The following PRRC2C variants were observed in gnomAD, a reference collection of about 807,000 sequenced individuals.
The protein encoded by PRRC2C is proline rich coiled-coil 2C.
PRRC2C carries 72 observed loss-of-function variants against 317.2 expected under a neutral mutation model. The observed-to-expected ratio is 0.23, with a 90% CI of 0.19 to 0.28. The LOEUF is 0.28. Among genes scored for constraint, PRRC2C ranks in the 10% least tolerant of loss-of-function variants. The pLI, the probability that PRRC2C is intolerant of heterozygous loss-of-function variation, is 1.00. For synonymous variants in PRRC2C, 1,296 were observed against 1,205.9 expected, an observed-to-expected ratio of 1.07 and a Z score of -1.55; for missense variants, 3,074 against 3,459.7, an observed-to-expected ratio of 0.89 and a Z score of 2.80.
At chr1:171,515,441 T>C (rs964051112) in intron 4 of PRRC2C, among the ~76,000 whole-genome samples, 2 of 152,166 alleles carry the variant, frequency 1.3e-5, no homozygotes, top group African/African-American at 2.4e-5. Context: ...GTATTGAAAA[T>C]GTAAGGAGTC....
chr1:171,542,079 G>T lies in PRRC2C; in HGVS notation c.4613G>T (p.Arg1538Met), dbSNP rs781265114. The T allele has an allele frequency of 1.2e-6, 2 of 1,613,928 alleles. No individual in the cohort carries two copies. The highest frequency in any genetic ancestry group is 2.2e-5 in the South Asian group (2 of 91,072). The change falls in exon 16 of 35, where the codon AGG becomes ATG. Residue 1538 changes from arginine to methionine, a missense_variant. By Grantham distance (91) the Arg-to-Met change is moderately conservative. Transcript: ENST00000647382. ...GGAGAGAATGTTCTACCTCCAAAGA[G>T]GGAAATTGCAAAGAGAAGTTTTTCT... ...KVGENVLPPK[R>M]EIAKRSFSSQ...
chr1:171,545,765 T>C, intron 17 of PRRC2C, 78 bp downstream of exon 17: 1 of 972,396 alleles, frequency 1.0e-6, no homozygotes, highest in African/African-American at 1.8e-5. Flanking sequence ...TTTTAAAATG[T>C]AGATGCCACA....
At chr1:171,549,950 G>A (rs1319941217) in intron 17 of PRRC2C, 136 bp from the exon 18 acceptor site, 6 of 564,712 alleles carry the variant, frequency 1.1e-5, no homozygotes, top group Non-Finnish European at 1.7e-5. Flanking sequence ...TGAGAAATAG[G>A]TTATACACTA....
Position 171,578,111 on chromosome 1 carries a change from C to A in PRRC2C, c.7159+474C>A, listed in dbSNP as rs140525579. ...TCACCCAGCCTAAATTGGCATAATT[C>A]TTTTTAAAAGTGTCTTGGAAAATAT... On this transcript the variant is annotated intron_variant, in intron 26 of 34. Coordinates refer to ENST00000647382, the MANE Select transcript of PRRC2C (RefSeq NM_001387844.1). 2.9e-3 allele frequency among the ~76,000 whole-genome samples: 441 copies of A among 151,498 alleles called. 2 individuals carry two copies. Among genetic ancestry groups the A allele is most frequent in the Non-Finnish European group, 5.1e-3 (349 of 67,832 alleles).
At chr1:171,489,831 A>G (rs1446605272) in intron 1 of PRRC2C, among the ~76,000 whole-genome samples, 2 of 152,098 alleles carry the variant, frequency 1.3e-5, no homozygotes, top group Non-Finnish European at 2.9e-5. Flanking sequence ...ATCATTCACA[A>G]TTTCTGCTTC....
chr1:171,558,722 A>G (rs1353133913), intron 19 of PRRC2C, among the ~76,000 whole-genome samples: 2 of 96,608 alleles, frequency 2.1e-5, no homozygotes, highest in East Asian at 4.7e-4. Context: ...GGACCTCCCT[A>G]TTCTTTAAGA....
chr1:171,514,704 A>C lies in PRRC2C; in HGVS notation c.400+59A>C, dbSNP rs1672016883. ...CTTGATAGTTACTGAACAGCCATGC[A>C]GGAGATAAGGGGTGAACTGTGTTTT... is the stretch of plus-strand genomic sequence containing the variant. On this transcript the variant is annotated intron_variant, in intron 4 of 34. Coordinates refer to ENST00000647382, the MANE Select transcript of PRRC2C (RefSeq NM_001387844.1). 2.9e-6 allele frequency: 4 copies of C among 1,356,590 alleles called. No homozygotes were observed. In the Admixed American group the frequency reaches 6.0e-5, roughly 20 times the overall value. The allele number at this position is 1,356,590 out of a possible 1,614,324, so 84.0% of individuals were successfully genotyped here.
chr1:171,538,940 G>A (rs1677366894), intron 15 of PRRC2C, among the ~76,000 whole-genome samples: 1 of 151,386 alleles, frequency 6.6e-6, no homozygotes, highest in African/African-American at 2.4e-5. Flanking sequence ...CAAACTCCTG[G>A]GGCCCTAGTG....
intron 15 of PRRC2C, 136 bp downstream of exon 15, chr1:171,537,609 C>T (rs534831884): frequency 6.4e-5 from 51 of 796,530 alleles, no homozygotes; most frequent in African/African-American, 5.0e-4. Context: ...TAGCATGCTA[C>T]GCTTACTCTT....
chr1:171,499,660 C>T (rs1275162479), intron 1 of PRRC2C, among the ~76,000 whole-genome samples: 1 of 152,000 alleles, frequency 6.6e-6, no homozygotes, highest in Non-Finnish European at 1.5e-5. Context: ...AAAAATTAGC[C>T]GGGCATGGTG....
chr1:171,563,399 G>A (rs536740004), intron 20 of PRRC2C, among the ~76,000 whole-genome samples: 60 of 152,280 alleles, frequency 3.9e-4, no homozygotes, highest in Admixed American at 8.5e-4. Flanking sequence ...AGAAAGAACA[G>A]TCTGTTCTTG....
chr1:171,568,348 TCAG>T lies in PRRC2C; in HGVS notation c.6651+10_6651+12del. The T allele has an allele frequency of 6.3e-7, 1 of 1,589,386 alleles. No individual in the cohort carries two copies. ...ATACTTTGGTTAATAATGTAAGTAATCAGTTTGAGATGTGGCAAGTTTGGATTG... is the reference window on the plus strand; with the variant it reads ...ATACTTTGGTTAATAATGTAAGTAATTTTGAGATGTGGCAAGTTTGGATTG... On this transcript the variant is annotated intron_variant, in intron 23 of 34. Transcript: ENST00000647382.
chr1:171,561,237 C>T lies in PRRC2C; in HGVS notation c.6117+134C>T, dbSNP rs145241492. Reference sequence around the variant, plus strand: ...TTGAGTCCGGGAGTTTGAGACCAGCCTGGGCAACATAGTGAGACCCGCCTG... The same window carrying T: ...TTGAGTCCGGGAGTTTGAGACCAGCTTGGGCAACATAGTGAGACCCGCCTG... On this transcript the variant is annotated intron_variant, in intron 20 of 34. Coordinates refer to ENST00000647382, the MANE Select transcript of PRRC2C (RefSeq NM_001387844.1). The T allele has an allele frequency of 2.0e-3, 1,692 of 852,492 alleles. 7 individuals carry two copies. Among genetic ancestry groups the T allele is most frequent in the Middle Eastern group, 5.0e-3 (22 of 4,380 alleles). 52.8% of individuals were successfully genotyped at this position (852,492 alleles called of 1,614,324 possible). A position where few individuals can be genotyped will look rare whatever the true frequency, so the allele number is the denominator to read the frequency against.
rs765263908 is a variant in PRRC2C at position 171,584,196 on chromosome 1, G to A, written c.7641+9G>A. The A allele has an allele frequency of 4.4e-6, 7 of 1,596,702 alleles. No homozygotes were observed. Among genetic ancestry groups the A allele is most frequent in the Non-Finnish European group, 4.3e-6 (5 of 1,164,466 alleles). On this transcript the variant is annotated intron_variant, in intron 29 of 34. Coordinates refer to ENST00000647382, the MANE Select transcript of PRRC2C (RefSeq NM_001387844.1). ...ACACACATCTTCTCCAGGTAAGTCA[G>A]GGGACTAGAGCAATGCACCCTCATT...
intron 19 of PRRC2C, among the ~76,000 whole-genome samples, chr1:171,560,627 G>A (rs2102671787): frequency 6.6e-6 from 1 of 152,266 alleles, no homozygotes; most frequent in Admixed American, 6.5e-5. Context: ...CAATTCAAAG[G>A]CTAAGATGAT....
intron 1 of PRRC2C, among the ~76,000 whole-genome samples, chr1:171,494,694 A>T (rs563496399): frequency 1.3e-5 from 2 of 152,050 alleles, no homozygotes; most frequent in Non-Finnish European, 2.9e-5. Flanking sequence ...AAATTTCCGT[A>T]TTTAGCATTC....
chr1:171,578,351 A>T (rs759087826), intron 26 of PRRC2C, among the ~76,000 whole-genome samples: 4 of 151,956 alleles, frequency 2.6e-5, no homozygotes, highest in Non-Finnish European at 4.4e-5. Context: ...CTAGGAGTTC[A>T]AGACCAACCC....
At position 171,501,319 on chromosome 1, in the gene PRRC2C, C is replaced by A. The variant is rs190163479; in HGVS notation, c.-57-10713C>A. Among the ~76,000 whole-genome samples the A allele has an allele frequency of 1.5e-3, 222 of 152,200 alleles. 1 individual carries two copies. Among genetic ancestry groups the A allele is most frequent in the Non-Finnish European group, 2.6e-3 (180 of 68,012 alleles). On this transcript the variant is annotated intron_variant, in intron 1 of 34. Coordinates refer to ENST00000647382, the MANE Select transcript of PRRC2C (RefSeq NM_001387844.1). ...TTAATTTTTGTATTTTTTGTAGAAACAGAGTTTTGTCATGTTGCCCAGGCT... is the reference window on the plus strand; with the variant it reads ...TTAATTTTTGTATTTTTTGTAGAAAAAGAGTTTTGTCATGTTGCCCAGGCT...
intron 25 of PRRC2C, among the ~76,000 whole-genome samples, chr1:171,576,265 A>G (rs142134462): frequency 7.4e-4 from 112 of 152,292 alleles, no homozygotes; most frequent in African/African-American, 2.5e-3. Flanking sequence ...TCTGGAAATA[A>G]TGGTTCCTAG....
Sources: gnomAD v4.1 joint callset for allele counts (sites outside exome capture counted in the v4.1 genomes callset) on GRCh38, gnomAD v4.1.1 for gene constraint, MANE v1.5 for transcripts, NCBI Gene and HGNC (gene_info 2026-07-23, HGNC 2026-07-21) for gene names.